The following ADAMTS16 variants were observed in gnomAD, a reference collection of about 807,000 sequenced individuals.
The protein encoded by ADAMTS16 is ADAM metallopeptidase with thrombospondin type 1 motif 16.
ADAMTS16 carries 94 observed loss-of-function variants against 145.8 expected under a neutral mutation model. The ratio of observed to expected loss-of-function variants is 0.64; its 90% CI spans 0.55 to 0.77. The LOEUF is 0.77. Among genes scored for constraint, ADAMTS16 ranks in the 30% least tolerant of loss-of-function variants. The probability of loss-of-function intolerance (pLI) is 0.00; values close to 1 mark genes in which losing one functional copy is unlikely to be tolerated. For missense variants in ADAMTS16, 1,585 were observed against 1,591.5 expected (o/e 1.00, Z 0.07); for synonymous variants, 659 against 604.3 (o/e 1.09, Z -1.33).
At chr5:5,290,473 G>A (rs1739265050) in intron 18 of ADAMTS16, among the ~76,000 whole-genome samples, 1 of 152,086 alleles carries the variant, frequency 6.6e-6, no homozygotes, top group East Asian at 1.9e-4. Flanking sequence ...TGACCAACAT[G>A]GTAAAACCCT....
At chr5:5,162,090 A>G (rs1314806407) in intron 3 of ADAMTS16, among the ~76,000 whole-genome samples, 2 of 152,198 alleles carry the variant, frequency 1.3e-5, no homozygotes, top group African/African-American at 4.8e-5. Flanking sequence ...TTATTACGAT[A>G]GACGTATGCA....
intron 18 of ADAMTS16, among the ~76,000 whole-genome samples, chr5:5,267,433 C>T (rs977684682): frequency 2.0e-5 from 3 of 152,094 alleles, no homozygotes; most frequent in Admixed American, 2.0e-4. Context: ...CGGTAGCTCT[C>T]AGCGAGGTGA....
intron 4 of ADAMTS16, among the ~76,000 whole-genome samples, chr5:5,182,949 C>T (rs1057257958): frequency 8.5e-5 from 13 of 152,168 alleles, no homozygotes; most frequent in African/African-American, 3.1e-4. Context: ...AGTCTCTGGA[C>T]TGCCCCCTCT....
rs1448633504 is a variant in ADAMTS16, at chr5:5,154,924, CG to C, written c.501+8473del. ...GATGATCCCTGTGGCCACTAACTCT[CG>C]GGGATGATACAGGCCTGGGACTGTC... On this transcript the variant is annotated intron_variant, in intron 3 of 22. Coordinates refer to ENST00000274181, the MANE Select transcript of ADAMTS16 (RefSeq NM_139056.4). Among the ~76,000 whole-genome samples the C allele has an allele frequency of 3.3e-5, 5 of 152,204 alleles. No individual in the cohort carries two copies. The South Asian group carries it at 8.3e-4, about 25-fold the overall frequency.
intron 18 of ADAMTS16, among the ~76,000 whole-genome samples, chr5:5,285,838 C>T (rs1739082897): frequency 6.6e-6 from 1 of 152,206 alleles, no homozygotes; most frequent in South Asian, 2.1e-4. Context: ...TTCAACTCTC[C>T]AGTAATATCA....
Position 5,320,248 on chromosome 5 carries a change from C to A in ADAMTS16, c.*1110C>A. 1 of 238,676 alleles carries A rather than the reference C, an allele frequency of 4.2e-6. No individual in the cohort carries two copies. The highest frequency in any genetic ancestry group is 8.1e-6 in the Non-Finnish European group (1 of 123,932). The allele number at this position is 238,676 out of a possible 1,614,324, so 14.8% of individuals were successfully genotyped here. A position where few individuals can be genotyped will look rare whatever the true frequency, so the allele number is the denominator to read the frequency against. On this transcript the variant is annotated 3_prime_UTR_variant, in exon 23 of 23. Coordinates refer to ENST00000274181, the MANE Select transcript of ADAMTS16 (RefSeq NM_139056.4). This position sits in a 1 kb window ranked among gnomAD's most constrained non-coding sequence, Gnocchi z 5.1. ...GTGCTGTGGCTCCATTCCAAAGGGG[C>A]ACCTGGATATTTATATTTGCTGAAG...
intron 18 of ADAMTS16, among the ~76,000 whole-genome samples, chr5:5,274,373 C>T (rs560395642): frequency 7.9e-5 from 12 of 152,298 alleles, no homozygotes; most frequent in Admixed American, 3.3e-4. Context: ...TCCTCCCTCC[C>T]GACCAACCCC....
intron 10 of ADAMTS16, among the ~76,000 whole-genome samples, chr5:5,220,201 C>T (rs1736555256): frequency 6.7e-6 from 1 of 149,546 alleles, no homozygotes; most frequent in Non-Finnish European, 1.5e-5. Context: ...ACTCTGTCAC[C>T]CAGTCTAGAG....
At chr5:5,286,943 T>G (rs1290049355) in intron 18 of ADAMTS16, among the ~76,000 whole-genome samples, 1 of 151,572 alleles carries the variant, frequency 6.6e-6, no homozygotes, top group African/African-American at 2.4e-5. Context: ...GGGAAAAAGA[T>G]TCAACCAATG....
chr5:5,303,590 A>C lies in ADAMTS16; in HGVS notation c.3010A>C (p.Lys1004Gln), dbSNP rs2126512530. ...PWAECSHTCGKGWRKRAVACK... is the reference protein window; with the variant it reads ...PWAECSHTCGQGWRKRAVACK... ...TGTGCAGTGCTCACACACCTGTGGG[A>C]AGGGGTGGAGGAAGCGGGCAGTGGC... The change falls in exon 20 of 23, where the codon AAG becomes CAG. Residue 1004 changes from lysine to glutamine, a missense_variant. Around this residue, in one of 3 missense-constraint regions of ADAMTS16, gnomAD observed 834 missense variants for 811.7 expected, o/e 1.03. Coordinates refer to ENST00000274181, the MANE Select transcript of ADAMTS16 (RefSeq NM_139056.4). The C allele has an allele frequency of 1.2e-6, 2 of 1,614,088 alleles. No individual in the cohort carries two copies. The highest frequency in any genetic ancestry group is 1.7e-5 in the Admixed American group (1 of 60,026).
chr5:5,319,081 C>T lies in ADAMTS16; in HGVS notation c.3618C>T (p.Cys1206=), dbSNP rs770922752. 5.6e-5 allele frequency: 91 copies of T among 1,613,390 alleles called. No individual in the cohort carries two copies. Among genetic ancestry groups the T allele is most frequent in the Admixed American group, 1.7e-5 (1 of 59,960 alleles). ...WCYLVPQHGM[C]SHKFYGKQCC... ...ACCTGGTACCCCAGCACGGGATGTG[C>T]AGCCACAAGTTCTACGGCAAGCAGT... Residue 1206 remains cysteine (C), a synonymous_variant, in exon 23 of 23, where the codon TGC becomes TGT. Transcript: ENST00000274181.
At chr5:5,150,548 A>G (rs189490111) in intron 3 of ADAMTS16, among the ~76,000 whole-genome samples, 48 of 152,324 alleles carry the variant, frequency 3.2e-4, no homozygotes, top group Non-Finnish European at 6.9e-4. Context: ...CGGGCACATG[A>G]CGTGCTGGAC....
intron 3 of ADAMTS16, among the ~76,000 whole-genome samples, chr5:5,161,862 G>A (rs913725330): frequency 1.3e-5 from 2 of 152,164 alleles, no homozygotes; most frequent in Admixed American, 6.5e-5. Context: ...ACTAGATAAT[G>A]GCTGGGGCAG....
chr5:5,292,694 C>T (rs1442232013), intron 18 of ADAMTS16, among the ~76,000 whole-genome samples: 2 of 152,034 alleles, frequency 1.3e-5, no homozygotes, highest in Non-Finnish European at 2.9e-5. Context: ...AGTGTCTTCA[C>T]GGGCCCTGTC....
At chr5:5,286,111 T>C (rs1327007198) in intron 18 of ADAMTS16, among the ~76,000 whole-genome samples, 1 of 152,188 alleles carries the variant, frequency 6.6e-6, no homozygotes, top group Non-Finnish European at 1.5e-5. Context: ...GGTTGGCTGC[T>C]TTCCCATTTA....
intron 3 of ADAMTS16, among the ~76,000 whole-genome samples, chr5:5,175,075 C>T (rs1271739034): frequency 6.6e-6 from 1 of 152,226 alleles, no homozygotes; most frequent in Non-Finnish European, 1.5e-5. Context: ...CAGAAGAAGT[C>T]TCTGCCCATA....
At chr5:5,247,115 C>G (rs901123240) in intron 17 of ADAMTS16, among the ~76,000 whole-genome samples, 1 of 152,160 alleles carries the variant, frequency 6.6e-6, no homozygotes, top group Non-Finnish European at 1.5e-5. Context: ...TTCACAGGAA[C>G]TGCTTCAAAT....
At chr5:5,198,602 G>A (rs11748003) in intron 8 of ADAMTS16, among the ~76,000 whole-genome samples, 27,596 of 152,054 alleles carry the variant, frequency 0.18, 2,975 homozygotes, top group African/African-American at 0.3. Context: ...AAGCTACCTT[G>A]TAGAGCTGTG....
rs989395588 is a variant in ADAMTS16, at chr5:5,140,476, C to A, written c.9C>A (p.Pro3=). The change falls in exon 1 of 23, where the codon CCC becomes CCA. Residue 3 remains proline (P), a synonymous_variant. Coordinates refer to ENST00000274181, the MANE Select transcript of ADAMTS16 (RefSeq NM_139056.4). ...CCTCGGAGCGCTCCTGGATGAAGCC[C>A]CGCGCGCGCGGATGGCGGGGCTTGG... is the stretch of plus-strand genomic sequence containing the variant. MK[P]RARGWRGLAA... is the part of the protein sequence containing the mutation. 5 of 1,514,028 alleles carry A rather than the reference C, an allele frequency of 3.3e-6. No individual in the cohort carries two copies. The highest frequency in any genetic ancestry group is 4.4e-6 in the Non-Finnish European group (5 of 1,140,532). The allele number at this position is 1,514,028 out of a possible 1,614,324, so 93.8% of individuals were successfully genotyped here.
Sources: gnomAD v4.1 joint callset for allele counts (sites outside exome capture counted in the v4.1 genomes callset) on GRCh38, gnomAD v4.1.1 for gene constraint, gnomAD v4.1.1 regional missense constraint, Gnocchi (gnomAD v3.1) non-coding constraint, MANE v1.5 for transcripts, NCBI Gene and HGNC (gene_info 2026-07-23, HGNC 2026-07-21) for gene names.